The following SEMA5A variants were observed in gnomAD, a reference collection of about 807,000 sequenced individuals.
SEMA5A encodes the protein semaphorin-5A.
Under a neutral mutation model 135.5 loss-of-function variants are expected in SEMA5A, and 55 were observed. That is an observed-to-expected ratio of 0.41 (90% CI 0.33 to 0.51). The LOEUF (loss-of-function observed/expected upper bound fraction) is 0.51, where lower values mean the gene tolerates loss of function less well. Among genes scored for constraint, SEMA5A ranks in the 20% least tolerant of loss-of-function variants. The pLI is 0.37. For missense variants in SEMA5A, 1,290 were observed against 1,419.9 expected, an observed-to-expected ratio of 0.91 and a Z score of 1.47; for synonymous variants, 580 against 546.5, an observed-to-expected ratio of 1.06 and a Z score of -0.85.
At chr5:9,212,012 G>A (rs1302678149) in intron 8 of SEMA5A, among the ~76,000 whole-genome samples, 1 of 152,184 alleles carries the variant, frequency 6.6e-6, no homozygotes, top group Non-Finnish European at 1.5e-5. Flanking sequence ...ATTTCCACCA[G>A]AGAAGGAAAG....
At chr5:9,221,978 T>C (rs1246244906) in intron 8 of SEMA5A, among the ~76,000 whole-genome samples, 2 of 152,110 alleles carry the variant, frequency 1.3e-5, no homozygotes, top group Non-Finnish European at 2.9e-5. Context: ...CTCCACCTTT[T>C]CTGTTGCCCT....
At chr5:9,185,447 C>CA (rs1421877685) in intron 11 of SEMA5A, among the ~76,000 whole-genome samples, 1 of 152,146 alleles carries the variant, frequency 6.6e-6, no homozygotes, top group Non-Finnish European at 1.5e-5. Flanking sequence ...AAATGAAAAA[C>CA]AATGATTCAA....
At chr5:9,241,131 G>A (rs1748169716) in intron 5 of SEMA5A, among the ~76,000 whole-genome samples, 1 of 152,092 alleles carries the variant, frequency 6.6e-6, no homozygotes, top group Non-Finnish European at 1.5e-5. Flanking sequence ...ATTAGATACA[G>A]TAGGCAGTGA....
At chr5:9,057,003 G>T (rs909709304) in intron 18 of SEMA5A, among the ~76,000 whole-genome samples, 3 of 152,190 alleles carry the variant, frequency 2.0e-5, no homozygotes, top group Admixed American at 2.0e-4. Flanking sequence ...AGGACATTAT[G>T]CTATGTGAAA....
chr5:9,324,032 C>T (rs1033356309), intron 4 of SEMA5A, among the ~76,000 whole-genome samples: 2 of 151,674 alleles, frequency 1.3e-5, no homozygotes, highest in African/African-American at 4.8e-5. Flanking sequence ...TTAGTATTCA[C>T]CTTATTACAA....
At chr5:9,271,361 C>T (rs928855041) in intron 5 of SEMA5A, among the ~76,000 whole-genome samples, 1 of 152,040 alleles carries the variant, frequency 6.6e-6, no homozygotes, top group Non-Finnish European at 1.5e-5. Flanking sequence ...CTTTATAGCA[C>T]TATGAGAATG....
intron 21 of SEMA5A, among the ~76,000 whole-genome samples, chr5:9,047,676 G>A (rs1040014724): frequency 3.3e-5 from 5 of 152,140 alleles, no homozygotes; most frequent in African/African-American, 9.7e-5. Context: ...AGATGCCTAT[G>A]TTGTCAAAAA....
At chr5:9,043,648 A>C (rs73043631) in intron 22 of SEMA5A, among the ~76,000 whole-genome samples, 2 of 152,332 alleles carry the variant, frequency 1.3e-5, no homozygotes, top group East Asian at 3.9e-4. Context: ...AGGGTGCCCA[A>C]TGGCCATCTG....
intron 8 of SEMA5A, among the ~76,000 whole-genome samples, chr5:9,214,207 G>A (rs1467125266): frequency 1.3e-5 from 2 of 152,156 alleles, no homozygotes; most frequent in African/African-American, 4.8e-5. Flanking sequence ...ATGCATGCGG[G>A]AAAAATAGCA....
chr5:9,435,585 C>T (rs1757999924), intron 2 of SEMA5A, among the ~76,000 whole-genome samples: 1 of 152,116 alleles, frequency 6.6e-6, no homozygotes, highest in South Asian at 2.1e-4. Flanking sequence ...GGACTAATAC[C>T]TACTGTCCCC....
intron 1 of SEMA5A, among the ~76,000 whole-genome samples, chr5:9,439,903 T>A (rs575729152): frequency 6.6e-6 from 1 of 152,316 alleles, no homozygotes; most frequent in Admixed American, 6.5e-5. Flanking sequence ...AGGAAATCAG[T>A]CTCAGCAGCA....
chr5:9,158,773 T>G (rs1388963979), intron 11 of SEMA5A, among the ~76,000 whole-genome samples: 2 of 152,242 alleles, frequency 1.3e-5, no homozygotes, highest in East Asian at 3.8e-4. Flanking sequence ...ACAGAGCTAC[T>G]TCAAGACTTT....
At chr5:9,476,633 C>A (rs1385) in intron 1 of SEMA5A, among the ~76,000 whole-genome samples, 1 of 152,168 alleles carries the variant, frequency 6.6e-6, no homozygotes, top group Admixed American at 6.5e-5. Context: ...AATTGCCTAA[C>A]GCATCTCTCA....
chr5:9,539,274 C>T (rs1475943306), intron 1 of SEMA5A, among the ~76,000 whole-genome samples: 1 of 152,210 alleles, frequency 6.6e-6, no homozygotes, highest in African/African-American at 2.4e-5. Flanking sequence ...ATACATATTG[C>T]AGCATATATC....
At position 9,526,197 on chromosome 5, in the gene SEMA5A, G is replaced by A. The variant is rs1003811104; in HGVS notation, c.-175+19387C>T. ...CCCAGGGATTTATAAATATTGAAAG[G>A]TAGAGAAGAATTTGCTTGAGTGAGG... On this transcript the variant is annotated intron_variant, in intron 1 of 22. Transcript: ENST00000382496. Among the ~76,000 whole-genome samples the A allele has an allele frequency of 1.1e-4, 16 of 152,290 alleles. No homozygotes were observed. In the East Asian group the frequency reaches 1.2e-3, roughly 11 times the overall value.
intron 10 of SEMA5A, among the ~76,000 whole-genome samples, chr5:9,195,065 T>C (rs147060306): frequency 7.2e-5 from 11 of 152,338 alleles, no homozygotes; most frequent in African/African-American, 2.4e-4. Context: ...GATTTTATTA[T>C]ACAAAGGACT....
At chr5:9,208,567 G>A (rs1746175405) in intron 8 of SEMA5A, among the ~76,000 whole-genome samples, 1 of 152,180 alleles carries the variant, frequency 6.6e-6, no homozygotes, top group African/African-American at 2.4e-5. Flanking sequence ...AAAGGGCAGA[G>A]GTGAGGCTGA....
intron 1 of SEMA5A, among the ~76,000 whole-genome samples, chr5:9,542,243 A>G (rs1431027717): frequency 6.6e-6 from 1 of 152,196 alleles, no homozygotes; most frequent in Non-Finnish European, 1.5e-5. Context: ...CTCCCAATCT[A>G]TACAGGAATT....
intron 1 of SEMA5A, among the ~76,000 whole-genome samples, chr5:9,476,808 C>T (rs11134360): frequency 0.38 from 57,785 of 151,950 alleles, 11,618 homozygotes; most frequent in Non-Finnish European, 0.44. Context: ...TTTGGTGGCT[C>T]ATATCTGTCA....
Sources: allele counts gnomAD v4.1 joint callset (sites outside exome capture counted in the v4.1 genomes callset), GRCh38; gene constraint gnomAD v4.1.1; transcripts MANE v1.5; gene names NCBI Gene and HGNC (gene_info 2026-07-23, HGNC 2026-07-21).